SORBS2: variants seen among roughly 807,000 people sequenced by gnomAD.
SORBS2 encodes sorbin and SH3 domain containing 2, also known as sorbin and SH3 domain-containing protein 2.
SORBS2 carries 46 observed loss-of-function variants against 97.7 expected under a neutral mutation model. That is an observed-to-expected ratio of 0.47 (90% confidence interval 0.37 to 0.60). SORBS2 has a LOEUF of 0.60. SORBS2 is among the 20% of genes least tolerant of loss of function. The probability of loss-of-function intolerance (pLI) is 0.00; values close to 1 mark genes in which losing one functional copy is unlikely to be tolerated. For missense variants in SORBS2, 1,316 were observed against 1,282.3 expected (o/e 1.03, Z -0.40); for synonymous variants, 476 against 473.4 (o/e 1.01, Z -0.07).
At chr4:185,725,203 C>T (rs2098547269) in intron 2 of SORBS2, among the ~76,000 whole-genome samples, 2 of 152,168 alleles carry the variant, frequency 1.3e-5, no homozygotes. Context: ...GGGTCAACAG[C>T]TAGAAACCAT....
intron 4 of SORBS2, among the ~76,000 whole-genome samples, chr4:185,668,692 C>T (rs1452701776): frequency 6.6e-6 from 1 of 152,190 alleles, no homozygotes; most frequent in South Asian, 2.1e-4. Flanking sequence ...ATCTGGACTA[C>T]CTCAAAAATA....
intron 2 of SORBS2, among the ~76,000 whole-genome samples, chr4:185,702,057 C>T (rs945610384): frequency 6.6e-6 from 1 of 152,224 alleles, no homozygotes; most frequent in African/African-American, 2.4e-5. Context: ...GTGTGAGCCA[C>T]TGTGCTGGGC....
Position 185,606,133 on chromosome 4 carries a change from A to G in SORBS2, c.2796+5647T>C, listed in dbSNP as rs2096412704. On this transcript the variant is annotated intron_variant, in intron 12 of 14. Transcript: ENST00000418609. The surrounding 1 kb of genome is among the most constrained non-coding windows in gnomAD (Gnocchi z 4.3). ...CCGTTATGTCAAAGGTATGGTGTAC[A>G]GTTTCTCATCCTGGAATAGGACAAA... is the stretch of plus-strand genomic sequence containing the variant. The G allele has an allele frequency of 1.0e-6, 1 of 985,418 alleles. No individual in the cohort carries two copies. Among genetic ancestry groups the G allele is most frequent in the South Asian group, 4.7e-5 (1 of 21,284 alleles). 61.0% of individuals were successfully genotyped at this position (985,418 alleles called of 1,614,324 possible). A position where few individuals can be genotyped will look rare whatever the true frequency, so the allele number is the denominator to read the frequency against.
At position 185,925,613 on chromosome 4, in the gene SORBS2, A is replaced by G. The variant is rs536198190; in HGVS notation, c.-338+30583T>C. Among the ~76,000 whole-genome samples, 6 of 152,328 alleles carry G rather than the reference A, an allele frequency of 3.9e-5. No individual in the cohort carries two copies. The South Asian group carries it at 1.0e-3, about 26-fold the overall frequency. On this transcript the variant is annotated intron_variant, in intron 1 of 20. Transcript: ENST00000284776. Reference sequence around the variant, plus strand: ...AAAAGATACATTTTGGAAATATATGATGATGACTGTTAAATGTCAGACATT... The same window carrying G: ...AAAAGATACATTTTGGAAATATATGGTGATGACTGTTAAATGTCAGACATT...
At chr4:185,763,176 G>C (rs1160871639) in intron 2 of SORBS2, among the ~76,000 whole-genome samples, 1 of 150,438 alleles carries the variant, frequency 6.6e-6, no homozygotes, top group Admixed American at 6.8e-5. Context: ...GTGACAGAGA[G>C]AGACTCTCTC....
chr4:185,703,832 CATT>C (rs1324805067), intron 2 of SORBS2, among the ~76,000 whole-genome samples: 3 of 152,128 alleles, frequency 2.0e-5, no homozygotes, highest in Non-Finnish European at 4.4e-5. Flanking sequence ...ATAATTGTAT[CATT>C]AACTTCAAAT....
intron 1 of SORBS2, among the ~76,000 whole-genome samples, chr4:185,864,310 A>T (rs1436589981): frequency 6.6e-6 from 1 of 152,254 alleles, no homozygotes; most frequent in Non-Finnish European, 1.5e-5. Flanking sequence ...AGATTCAAAG[A>T]AAGAGATTAA....
intron 4 of SORBS2, among the ~76,000 whole-genome samples, chr4:185,673,752 C>T (rs892384975): frequency 1.3e-5 from 2 of 152,362 alleles, no homozygotes; most frequent in East Asian, 3.9e-4. Flanking sequence ...TGCCCAACCA[C>T]TTTCTTCCCA....
intron 6 of SORBS2, among the ~76,000 whole-genome samples, chr4:185,624,941 C>A (rs11932948): frequency 6.6e-6 from 1 of 152,100 alleles, no homozygotes; most frequent in Non-Finnish European, 1.5e-5. Context: ...TCATTTGATT[C>A]GTAATGATAC....
At chr4:185,625,243 T>C (rs375266550) in intron 6 of SORBS2, among the ~76,000 whole-genome samples, 1 of 152,242 alleles carries the variant, frequency 6.6e-6, no homozygotes, top group African/African-American at 2.4e-5. Flanking sequence ...GAGGTGCATA[T>C]ACCATGCTTT....
intron 1 of SORBS2, among the ~76,000 whole-genome samples, chr4:185,904,548 GA>G (rs754480057): frequency 2.1e-4 from 32 of 152,328 alleles, no homozygotes; most frequent in Non-Finnish European, 3.8e-4. Context: ...GGAACAGGAA[GA>G]AAGTTCCTCT....
In SORBS2 at chr4:185,626,831, C is replaced by G; in HGVS notation, c.634+1G>C. ...GTTGTGTTTTCATTTACTATGCTCACCTTTTGCTCTTGATGGGGAAGAAGG... is the reference window on the plus strand; with the variant it reads ...GTTGTGTTTTCATTTACTATGCTCAGCTTTTGCTCTTGATGGGGAAGAAGG... On this transcript the variant is annotated splice_donor_variant, in intron 6 of 14. Transcript: ENST00000418609. LOFTEE classifies it high-confidence loss of function. 1 of 1,614,010 alleles carries G rather than the reference C, an allele frequency of 6.2e-7. No individual in the cohort carries two copies. Among genetic ancestry groups the G allele is most frequent in the East Asian group, 2.2e-5 (1 of 44,884 alleles).
chr4:185,873,977 A>C (rs1325923051), intron 1 of SORBS2, among the ~76,000 whole-genome samples: 1 of 152,178 alleles, frequency 6.6e-6, no homozygotes, highest in Non-Finnish European at 1.5e-5. Context: ...TTTTAATATT[A>C]AAATAGTATG....
intron 12 of SORBS2, among the ~76,000 whole-genome samples, chr4:185,609,510 A>G (rs924990061): frequency 6.6e-6 from 1 of 152,220 alleles, no homozygotes; most frequent in African/African-American, 2.4e-5. Flanking sequence ...TAGCTTTATG[A>G]TGGACTTGCT....
chr4:185,648,084 G>A (rs375368654), intron 3 of SORBS2, among the ~76,000 whole-genome samples: 1 of 151,762 alleles, frequency 6.6e-6, no homozygotes, highest in Non-Finnish European at 1.5e-5. Context: ...GTGGGATGCT[G>A]TGCCCTATAT....
chr4:185,886,161 G>C (rs1013091609), intron 1 of SORBS2, among the ~76,000 whole-genome samples: 1 of 152,126 alleles, frequency 6.6e-6, no homozygotes, highest in African/African-American at 2.4e-5. Context: ...ACTTGTTCCC[G>C]GACTGTCCAG....
At chr4:185,891,638 A>T (rs1447228411) in intron 1 of SORBS2, among the ~76,000 whole-genome samples, 2 of 152,108 alleles carry the variant, frequency 1.3e-5, no homozygotes, top group Non-Finnish European at 2.9e-5. Context: ...CTCACTCACA[A>T]GGAGACCCCC....
At chr4:185,787,576 CTCTG>C (rs1213809102) in intron 1 of SORBS2, among the ~76,000 whole-genome samples, 13 of 152,222 alleles carry the variant, frequency 8.5e-5, no homozygotes, top group East Asian at 3.9e-4. Flanking sequence ...TTTCTGAGAG[CTCTG>C]TCTGATTTCT....
At chr4:185,879,681 G>T in intron 1 of SORBS2, among the ~76,000 whole-genome samples, 1 of 140,668 alleles carries the variant, frequency 7.1e-6, no homozygotes, top group Non-Finnish European at 1.6e-5. Context: ...TCCAGCACCT[G>T]TTGTTTCCTG....
Sources: allele counts gnomAD v4.1 joint callset (sites outside exome capture counted in the v4.1 genomes callset), GRCh38; gene constraint gnomAD v4.1.1; non-coding constraint Gnocchi (gnomAD v3.1); transcripts MANE v1.5; gene names NCBI Gene and HGNC (gene_info 2026-07-23, HGNC 2026-07-21).